Variants in PRKN observed in about 807,000 individuals in gnomAD.
The protein encoded by PRKN is E3 ubiquitin-protein ligase parkin.
In PRKN, 56 loss-of-function variants were observed where a neutral mutation model predicts 59.5. The observed-to-expected ratio is 0.94, with a 90% confidence interval of 0.76 to 1.18. The LOEUF (loss-of-function observed/expected upper bound fraction) is 1.18, where lower values mean the gene tolerates loss of function less well. Ranked by LOEUF, PRKN falls within the 50% of genes most tolerant of loss-of-function variation. The pLI is 0.00. For synonymous variants in PRKN, 250 were observed against 222.1 expected, an observed-to-expected ratio of 1.13 and a Z score of -1.12; for missense variants, 657 against 596.4, an observed-to-expected ratio of 1.10 and a Z score of -1.06.
At chr6:162,337,645 T>G (rs1783902347) in intron 2 of PRKN, among the ~76,000 whole-genome samples, 2 of 152,178 alleles carry the variant, frequency 1.3e-5, no homozygotes, top group Admixed American at 6.6e-5. Flanking sequence ...CGCTGGCAGC[T>G]GCAGGATCAG....
At chr6:162,665,761 T>C (rs561009618) in intron 1 of PRKN, among the ~76,000 whole-genome samples, 9 of 152,228 alleles carry the variant, frequency 5.9e-5, no homozygotes, top group Non-Finnish European at 8.8e-5. Context: ...GGAGACATCA[T>C]GCTACCTGAC....
Position 161,573,741 on chromosome 6 carries a change from A to ATT in PRKN, c.872-4326_872-4325insAA, listed in dbSNP as rs1562534703. Among the ~76,000 whole-genome samples the ATT allele has an allele frequency of 1.4e-3, 58 of 42,542 alleles. 3 individuals carry two copies. The highest frequency in any genetic ancestry group is 0.011 in the Middle Eastern group (1 of 94). The allele number at this position is 42,542 out of a possible 152,430, so 27.9% of individuals were successfully genotyped here. A position where few individuals can be genotyped will look rare whatever the true frequency, so the allele number is the denominator to read the frequency against. On this transcript the variant is annotated intron_variant, in intron 7 of 11. Coordinates refer to ENST00000366898, the MANE Select transcript of PRKN (RefSeq NM_004562.3). ...TCTCAAAAAAAAAAAAAAAAAAAAA[A>ATT]AAAAAAAAAAAAAAATATATATATA...
chr6:162,426,745 C>A (rs550371661), intron 2 of PRKN, among the ~76,000 whole-genome samples: 11 of 152,256 alleles, frequency 7.2e-5, no homozygotes, highest in African/African-American at 2.6e-4. Context: ...CCATACCCAG[C>A]CAAAAACCAA....
At chr6:161,698,327 A>G (rs1222403036) in intron 7 of PRKN, among the ~76,000 whole-genome samples, 1 of 152,164 alleles carries the variant, frequency 6.6e-6, no homozygotes, top group African/African-American at 2.4e-5. Context: ...ACCAACACAT[A>G]AAAATACTAT....
At chr6:162,360,348 G>A (rs1478646298) in intron 2 of PRKN, among the ~76,000 whole-genome samples, 1 of 152,068 alleles carries the variant, frequency 6.6e-6, no homozygotes, top group African/African-American at 2.4e-5. Flanking sequence ...CTTGGACAAT[G>A]CCACATTCAC....
chr6:161,883,394 A>C (rs574026542), intron 6 of PRKN, among the ~76,000 whole-genome samples: 1 of 151,218 alleles, frequency 6.6e-6, no homozygotes, highest in Non-Finnish European at 1.5e-5. Flanking sequence ...GCTACTCAGG[A>C]GGCAGAGGCT....
chr6:162,155,071 T>C (rs1023856672), intron 4 of PRKN, among the ~76,000 whole-genome samples: 1 of 147,702 alleles, frequency 6.8e-6, no homozygotes, highest in East Asian at 2.0e-4. Flanking sequence ...CTAGACTCTA[T>C]GGTAAATCAA....
rs941983204 is a variant in PRKN at position 161,385,820 on chromosome 6, G to A, written c.1167+974C>T. ...AAAATTAACAGAAAGAGCATTTGCT[G>A]CCTGGGCTATGGAAATGGCAACTCA... is the stretch of plus-strand genomic sequence containing the variant. On this transcript the variant is annotated intron_variant, in intron 10 of 11. Coordinates refer to ENST00000366898, the MANE Select transcript of PRKN (RefSeq NM_004562.3). The surrounding 1 kb of genome is among the most constrained non-coding windows in gnomAD (Gnocchi z 4.9). Among the ~76,000 whole-genome samples, 71 of 152,344 alleles carry A rather than the reference G, an allele frequency of 4.7e-4. 1 individual carries two copies. Among genetic ancestry groups the A allele is most frequent in the African/African-American group, 1.5e-3 (64 of 41,582 alleles).
intron 1 of PRKN, among the ~76,000 whole-genome samples, chr6:162,517,351 C>T (rs1777906768): frequency 6.6e-6 from 1 of 151,326 alleles, no homozygotes; most frequent in South Asian, 2.1e-4. Context: ...GGGTTCAAGC[C>T]ATTCTCTTGC....
intron 9 of PRKN, among the ~76,000 whole-genome samples, chr6:161,435,317 ACT>A (rs1788830939): frequency 6.6e-6 from 1 of 152,020 alleles, no homozygotes. Context: ...GCATAGTTGT[ACT>A]CTATTTTTAT....
intron 5 of PRKN, among the ~76,000 whole-genome samples, chr6:162,051,054 A>G (rs1289432877): frequency 6.6e-6 from 1 of 152,158 alleles, no homozygotes; most frequent in African/African-American, 2.4e-5. Flanking sequence ...AAGTGCTGCA[A>G]TGACAAGAAA....
intron 1 of PRKN, among the ~76,000 whole-genome samples, chr6:162,453,464 T>G (rs1012634049): frequency 9.2e-5 from 14 of 152,164 alleles, no homozygotes; most frequent in African/African-American, 3.1e-4. Context: ...ATCTATATAA[T>G]AAGACGTGTA....
chr6:162,377,371 C>T (rs955312659), intron 2 of PRKN, among the ~76,000 whole-genome samples: 1 of 152,158 alleles, frequency 6.6e-6, no homozygotes, highest in African/African-American at 2.4e-5. Flanking sequence ...AGGCCAGTGA[C>T]ACCACGCTCG....
rs772922434 is a variant in PRKN, at chr6:161,410,619, C to G, written c.1084-23742G>C. 2.6e-5 allele frequency among the ~76,000 whole-genome samples: 4 copies of G among 152,064 alleles called. No individual in the cohort carries two copies. Among genetic ancestry groups the G allele is most frequent in the Non-Finnish European group, 4.4e-5 (3 of 68,044 alleles). ...GAGCTATTTCCTCCATTCTGGTGCTCATCGTGGGCCATGCGTTGGTTACAA... is the reference window on the plus strand; with the variant it reads ...GAGCTATTTCCTCCATTCTGGTGCTGATCGTGGGCCATGCGTTGGTTACAA... On this transcript the variant is annotated intron_variant, in intron 9 of 11. Transcript: ENST00000366898. This position sits in a 1 kb window ranked among gnomAD's most constrained non-coding sequence, Gnocchi z 5.3.
At chr6:162,542,608 G>A (rs1562370015) in intron 1 of PRKN, among the ~76,000 whole-genome samples, 1 of 152,146 alleles carries the variant, frequency 6.6e-6, no homozygotes, top group East Asian at 1.9e-4. Context: ...CAAATCATTT[G>A]ACCACTGAAT....
chr6:161,878,860 T>C (rs1794827708), intron 6 of PRKN, among the ~76,000 whole-genome samples: 3 of 152,206 alleles, frequency 2.0e-5, no homozygotes, highest in African/African-American at 4.8e-5. Flanking sequence ...CTAATAGGTA[T>C]ATAGTTGTGA....
intron 2 of PRKN, among the ~76,000 whole-genome samples, chr6:162,375,391 G>A (rs1319340074): frequency 6.6e-6 from 1 of 150,968 alleles, no homozygotes; most frequent in Non-Finnish European, 1.5e-5. Flanking sequence ...ATCCATATCT[G>A]CTTATCAACT....
chr6:162,152,826 C>T (rs2128314101), intron 4 of PRKN, among the ~76,000 whole-genome samples: 1 of 152,276 alleles, frequency 6.6e-6, no homozygotes, highest in South Asian at 2.1e-4. Context: ...ATCTTTGTTT[C>T]AGCTACATAT....
intron 6 of PRKN, among the ~76,000 whole-genome samples, chr6:161,899,667 G>A (rs1404983152): frequency 6.6e-6 from 1 of 152,082 alleles, no homozygotes; most frequent in African/African-American, 2.4e-5. Context: ...TCTTCGAATG[G>A]GTCAGAATCA....
Sources: allele counts gnomAD v4.1 joint callset (sites outside exome capture counted in the v4.1 genomes callset), GRCh38; gene constraint gnomAD v4.1.1; non-coding constraint Gnocchi (gnomAD v3.1); transcripts MANE v1.5; gene names NCBI Gene and HGNC (gene_info 2026-07-23, HGNC 2026-07-21).